The following SUCO variants were observed in gnomAD, a reference collection of about 807,000 sequenced individuals.
The protein encoded by SUCO is SUN domain containing ossification factor.
SUCO carries 57 observed loss-of-function variants against 148.1 expected under a neutral mutation model. The ratio of observed to expected loss-of-function variants is 0.38; its 90% CI spans 0.31 to 0.48. SUCO has a LOEUF of 0.48. Among genes scored for constraint, SUCO ranks in the 20% least tolerant of loss-of-function variants. The pLI is 0.96. For synonymous variants in SUCO, 470 were observed against 502.7 expected, an observed-to-expected ratio of 0.93 and a Z score of 0.87; for missense variants, 1,331 against 1,468.2, an observed-to-expected ratio of 0.91 and a Z score of 1.53.
intron 3 of SUCO, among the ~76,000 whole-genome samples, chr1:172,554,555 G>A (rs754224163): frequency 1.4e-4 from 21 of 152,062 alleles, no homozygotes; most frequent in Non-Finnish European, 2.6e-4. Context: ...TGGCCAACAT[G>A]GTGAAACCCT....
intron 3 of SUCO, 46 bp from the exon 4 acceptor site, chr1:172,555,823 A>T (rs769847445): frequency 6.7e-7 from 1 of 1,486,376 alleles, no homozygotes; most frequent in Non-Finnish European, 9.2e-7. Context: ...AAGAGATGTT[A>T]TATTAATCTC....
chr1:172,596,202 G>T (rs1359052544), intron 19 of SUCO, among the ~76,000 whole-genome samples: 1 of 152,076 alleles, frequency 6.6e-6, no homozygotes, highest in Non-Finnish European at 1.5e-5. Flanking sequence ...AAGATTTTTA[G>T]CTTCTTTGTG....
chr1:172,587,867 G>A (rs1322922853), intron 17 of SUCO, among the ~76,000 whole-genome samples: 1 of 151,970 alleles, frequency 6.6e-6, no homozygotes, highest in Admixed American at 6.6e-5. Flanking sequence ...GCTACACCCA[G>A]TAATTAACTA....
At chr1:172,560,808 C>G (rs6686157) in intron 6 of SUCO, among the ~76,000 whole-genome samples, 90,366 of 152,138 alleles carry the variant, frequency 0.59, 27,322 homozygotes, top group African/African-American at 0.69. Flanking sequence ...ATGACTACCT[C>G]GGGAGTCAGG....
At position 172,596,702 on chromosome 1, in the gene SUCO, C is replaced by T. The variant is rs146523440; in HGVS notation, c.2914-3362C>T. ...ATGAGGTGTCAGTTGGCCCCTACTG[C>T]GAGGTGCCTCCCAGTTAGGCTACAC... On this transcript the variant is annotated intron_variant, in intron 19 of 23. Coordinates refer to ENST00000263688, the MANE Select transcript of SUCO (RefSeq NM_014283.5). Among the ~76,000 whole-genome samples the T allele has an allele frequency of 3.0e-3, 458 of 152,324 alleles. 8 individuals are homozygous for T. The highest frequency in any genetic ancestry group is 0.017 in the Admixed American group (258 of 15,300).
chr1:172,590,282 A>T, intron 18 of SUCO: 1 of 967,584 alleles, frequency 1.0e-6, no homozygotes, highest in East Asian at 1.1e-4. Context: ...ATAGACCTTA[A>T]AGCTTTTAGT....
chr1:172,537,976 C>T (rs185837212), intron 1 of SUCO, among the ~76,000 whole-genome samples: 138 of 152,214 alleles, frequency 9.1e-4, no homozygotes, highest in African/African-American at 3.2e-3. Context: ...AGAACACTTA[C>T]CCAGTTATCT....
At chr1:172,540,988 G>C (rs1652410247) in intron 1 of SUCO, among the ~76,000 whole-genome samples, 2 of 152,108 alleles carry the variant, frequency 1.3e-5, no homozygotes, top group South Asian at 4.1e-4. Flanking sequence ...ACATTATTTT[G>C]ACATAATTGT....
chr1:172,533,716 T>A (rs2149212430), intron 1 of SUCO, among the ~76,000 whole-genome samples: 1 of 152,190 alleles, frequency 6.6e-6, no homozygotes, highest in South Asian at 2.1e-4. Context: ...AGAGACTCAG[T>A]GGGAGAGAGA....
At chr1:172,540,759 ATGTC>A (rs1262074370) in intron 1 of SUCO, among the ~76,000 whole-genome samples, 1 of 152,120 alleles carries the variant, frequency 6.6e-6, no homozygotes, top group South Asian at 2.1e-4. Context: ...GTGCATGTGT[ATGTC>A]TGTCTGCCTG....
chr1:172,577,828 G>A lies in SUCO; in HGVS notation c.1340+9G>A, dbSNP rs752148135. ...CCATTAAGCCTTATAAGGTAATGCA[G>A]AACAAAATACATTTATTGAGTTTTT... On this transcript the variant is annotated intron_variant, in intron 13 of 23. Coordinates refer to ENST00000263688, the MANE Select transcript of SUCO (RefSeq NM_014283.5). The A allele has an allele frequency of 4.1e-5, 65 of 1,594,300 alleles. No individual in the cohort carries two copies. The highest frequency in any genetic ancestry group is 5.6e-5 in the Non-Finnish European group (65 of 1,169,036).
At chr1:172,575,391 T>G in intron 10 of SUCO, 127 bp from the exon 11 acceptor site, 1 of 593,436 alleles carries the variant, frequency 1.7e-6, no homozygotes, top group Non-Finnish European at 2.9e-6. Flanking sequence ...TATGTATTTA[T>G]GTATTAAACT....
chr1:172,601,542 T>C (rs1025129112), intron 20 of SUCO, among the ~76,000 whole-genome samples: 2 of 150,966 alleles, frequency 1.3e-5, no homozygotes, highest in African/African-American at 4.9e-5. Flanking sequence ...AATGAGGTGG[T>C]ATTGACTTAG....
Position 172,573,702 on chromosome 1 carries a change from C to A in SUCO, c.1050-189C>A, listed in dbSNP as rs368345478. The stretch of plus-strand genomic sequence containing the variant: ...GTTTTATTTACAGGTCTTTTCCCCC[C>A]ACTAATGGTATCCTTTGGGAAGTAT... On this transcript the variant is annotated intron_variant, in intron 9 of 23. Coordinates refer to ENST00000263688, the MANE Select transcript of SUCO (RefSeq NM_014283.5). Among the ~76,000 whole-genome samples the A allele has an allele frequency of 1.9e-3, 283 of 152,138 alleles. 12 individuals carry two copies. The South Asian group carries it at 0.057, about 30-fold the overall frequency.
rs1654359340 is a variant in SUCO at position 172,563,830 on chromosome 1, C to G, written c.733-5189C>G. On this transcript the variant is annotated intron_variant, in intron 6 of 23. Coordinates refer to ENST00000263688, the MANE Select transcript of SUCO (RefSeq NM_014283.5). ...CATTTCAGGCACCTTCATGGCAGCC[C>G]CTCCCATCGCAGGCCAGGAGACCTA... Among the ~76,000 whole-genome samples, 3 of 152,196 alleles carry G rather than the reference C, an allele frequency of 2.0e-5. No homozygotes were observed. The South Asian group carries it at 6.2e-4, about 31-fold the overall frequency.
chr1:172,589,788 A>ATC lies in SUCO; in HGVS notation c.2689_2690dup (p.Gly898Ter). 1 of 1,612,562 alleles carries ATC rather than the reference A, an allele frequency of 6.2e-7. No individual in the cohort carries two copies. Among genetic ancestry groups the ATC allele is most frequent in the Non-Finnish European group, 8.5e-7 (1 of 1,179,420 alleles). ...TATGCTGAATTGCAAAATTCTACAG[A>ATC]TCTAGGATATGCTAATGGAAATCTT... is the stretch of plus-strand genomic sequence containing the variant. On this transcript the variant is annotated frameshift_variant, in exon 18 of 24. Coordinates refer to ENST00000263688, the MANE Select transcript of SUCO (RefSeq NM_014283.5). LOFTEE classifies it high-confidence loss of function.
chr1:172,537,526 AAT>A (rs1319599303), intron 1 of SUCO, among the ~76,000 whole-genome samples: 3 of 152,184 alleles, frequency 2.0e-5, no homozygotes, highest in Non-Finnish European at 2.9e-5. Flanking sequence ...GTTAAAACTG[AAT>A]AATTCCTAAG....
chr1:172,553,286 C>T lies in SUCO; in HGVS notation c.204C>T (p.Ala68=), dbSNP rs142323342. The change falls in exon 3 of 24, where the codon GCC becomes GCT. Residue 68 remains alanine (A), a synonymous_variant. Coordinates refer to ENST00000263688, the MANE Select transcript of SUCO (RefSeq NM_014283.5). ...ATGAAAGAGAGGGACCTATCAATGC[C>T]GAATCATTGGGAAAATCAGGTTCAA... is the stretch of plus-strand genomic sequence containing the variant. ...KKDEREGPIN[A]ESLGKSGSNL... is the part of the protein sequence containing the mutation. 25 of 1,592,864 alleles carry T rather than the reference C, an allele frequency of 1.6e-5. No individual in the cohort carries two copies. Among genetic ancestry groups the T allele is most frequent in the African/African-American group, 1.2e-4 (9 of 74,288 alleles).
At chr1:172,537,497 T>C (rs1247720508) in intron 1 of SUCO, among the ~76,000 whole-genome samples, 2 of 152,152 alleles carry the variant, frequency 1.3e-5, no homozygotes, top group Non-Finnish European at 1.5e-5. Context: ...TGCTTCCCGA[T>C]GTTGTGAGGG....
Sources: gnomAD v4.1 joint callset for allele counts (sites outside exome capture counted in the v4.1 genomes callset) on GRCh38, gnomAD v4.1.1 for gene constraint, MANE v1.5 for transcripts, NCBI Gene and HGNC (gene_info 2026-07-23, HGNC 2026-07-21) for gene names.